The following NLGN1 variants were observed in gnomAD, a reference collection of about 807,000 sequenced individuals.
NLGN1 encodes the protein neuroligin 1, also known as neuroligin-1.
In NLGN1, 12 loss-of-function variants were observed where a neutral mutation model predicts 65.5. The observed-to-expected ratio is 0.18, with a 90% CI of 0.12 to 0.30. The LOEUF (loss-of-function observed/expected upper bound fraction) is 0.30, where lower values mean the gene tolerates loss of function less well. Among genes scored for constraint, NLGN1 ranks in the 10% least tolerant of loss-of-function variants. The pLI, the probability that NLGN1 is intolerant of heterozygous loss-of-function variation, is 1.00. For synonymous variants in NLGN1, 350 were observed against 359.5 expected (o/e 0.97, Z 0.30); for missense variants, 750 against 1,007.1 (o/e 0.74, Z 3.46).
chr3:173,814,226 G>C (rs1280504450), intron 4 of NLGN1, among the ~76,000 whole-genome samples: 1 of 152,222 alleles, frequency 6.6e-6, no homozygotes, highest in Non-Finnish European at 1.5e-5. Flanking sequence ...CTAACCAAAG[G>C]CAATCTGGGT....
At chr3:173,611,151 A>G (rs1325783892) in intron 3 of NLGN1, among the ~76,000 whole-genome samples, 5 of 151,984 alleles carry the variant, frequency 3.3e-5, no homozygotes, top group African/African-American at 4.8e-5. Context: ...GATTCTTTCA[A>G]TTGTTTGATG....
At chr3:173,753,565 G>C (rs941019474) in intron 3 of NLGN1, among the ~76,000 whole-genome samples, 2 of 152,070 alleles carry the variant, frequency 1.3e-5, no homozygotes, top group African/African-American at 4.8e-5. Context: ...GTCTCGCCTG[G>C]ATGAAAGCAA....
intron 2 of NLGN1, among the ~76,000 whole-genome samples, chr3:173,446,756 C>T (rs1720430017): frequency 6.6e-6 from 1 of 152,194 alleles, no homozygotes; most frequent in Non-Finnish European, 1.5e-5. Context: ...GATTGCCATT[C>T]TAACTGGTGT....
intron 4 of NLGN1, among the ~76,000 whole-genome samples, chr3:173,839,664 A>G (rs1948163): frequency 0.83 from 126,501 of 151,592 alleles, 53,516 homozygotes; most frequent in African/African-American, 0.88. Context: ...CTTGTGATCC[A>G]CCTGCCTCTG....
intron 2 of NLGN1, among the ~76,000 whole-genome samples, chr3:173,541,868 A>G (rs11713253): frequency 0.36 from 55,120 of 151,740 alleles, 11,334 homozygotes; most frequent in East Asian, 0.8. Flanking sequence ...GCTTGATGTT[A>G]ATTTTTACAA....
chr3:173,445,444 A>C (rs1720088102), intron 2 of NLGN1, among the ~76,000 whole-genome samples: 1 of 152,212 alleles, frequency 6.6e-6, no homozygotes, highest in Non-Finnish European at 1.5e-5. Context: ...AAAACTCTTT[A>C]TACATGTTTC....
Position 173,880,260 on chromosome 3 carries a change from T to A in NLGN1, c.646+72428T>A, listed in dbSNP as rs1329514052. ...GTACAAGATAGAATGTAAAAAGAAA[T>A]AAAATCAAATGTAGACCTTTTCTAG... On this transcript the variant is annotated intron_variant, in intron 4 of 6. Transcript: ENST00000457714. 2.0e-5 allele frequency among the ~76,000 whole-genome samples: 3 copies of A among 152,206 alleles called. No individual in the cohort carries two copies. In the East Asian group the frequency reaches 5.8e-4, roughly 29 times the overall value.
intron 4 of NLGN1, among the ~76,000 whole-genome samples, chr3:173,929,849 C>A (rs1330968797): frequency 2.6e-5 from 4 of 151,966 alleles, no homozygotes; most frequent in African/African-American, 7.3e-5. Flanking sequence ...GGATTATGGG[C>A]ATGTGCCACC....
chr3:174,096,290 G>A (rs897486978), intron 4 of NLGN1, among the ~76,000 whole-genome samples: 2 of 151,090 alleles, frequency 1.3e-5, no homozygotes, highest in Non-Finnish European at 2.9e-5. Flanking sequence ...AGAGGAACTA[G>A]GAACAGAAAC....
At chr3:173,884,772 GATAAAC>G (rs1344071027) in intron 4 of NLGN1, among the ~76,000 whole-genome samples, 4 of 152,192 alleles carry the variant, frequency 2.6e-5, no homozygotes, top group African/African-American at 9.6e-5. Context: ...CTGGATAATT[GATAAAC>G]AATTGAAATT....
chr3:173,561,208 T>G (rs1009145198), intron 2 of NLGN1, among the ~76,000 whole-genome samples: 1 of 152,230 alleles, frequency 6.6e-6, no homozygotes, highest in Non-Finnish European at 1.5e-5. Context: ...GAATGACTGC[T>G]CTCTAGAAAG....
intron 2 of NLGN1, among the ~76,000 whole-genome samples, chr3:173,442,937 TATA>T (rs1312841011): frequency 1.3e-5 from 2 of 152,136 alleles, no homozygotes; most frequent in African/African-American, 4.8e-5. Flanking sequence ...ACTAAGTAAA[TATA>T]ATATAATACT....
intron 3 of NLGN1, among the ~76,000 whole-genome samples, chr3:173,645,286 C>A (rs1758067234): frequency 6.6e-6 from 1 of 152,232 alleles, no homozygotes; most frequent in Non-Finnish European, 1.5e-5. Flanking sequence ...CTCCTCTCCC[C>A]TCCCTCACAG....
At chr3:173,827,463 G>T (rs1285861379) in intron 4 of NLGN1, among the ~76,000 whole-genome samples, 2 of 151,856 alleles carry the variant, frequency 1.3e-5, no homozygotes, top group African/African-American at 2.4e-5. Context: ...GAAGTGTGGA[G>T]GGTCAGTACA....
chr3:173,568,905 C>G (rs2149323491), intron 2 of NLGN1, among the ~76,000 whole-genome samples: 1 of 152,198 alleles, frequency 6.6e-6, no homozygotes, highest in East Asian at 1.9e-4. Flanking sequence ...GTCTCGAACT[C>G]CTGACCTTGT....
chr3:174,097,361 C>G (rs1181122840), intron 4 of NLGN1, among the ~76,000 whole-genome samples: 1 of 152,098 alleles, frequency 6.6e-6, no homozygotes, highest in Non-Finnish European at 1.5e-5. Flanking sequence ...TGTCTACACA[C>G]CAAACAGCAA....
chr3:173,510,031 A>C (rs752997672), intron 2 of NLGN1, among the ~76,000 whole-genome samples: 1 of 152,202 alleles, frequency 6.6e-6, no homozygotes, highest in Non-Finnish European at 1.5e-5. Flanking sequence ...TTTGATAGGA[A>C]TCACATTTGG....
At chr3:173,942,615 C>T (rs1746361314) in intron 4 of NLGN1, among the ~76,000 whole-genome samples, 1 of 152,012 alleles carries the variant, frequency 6.6e-6, no homozygotes. Flanking sequence ...GTTTTTATTC[C>T]CTAAGACCAA....
At chr3:173,739,216 C>G (rs973965755) in intron 3 of NLGN1, among the ~76,000 whole-genome samples, 1 of 151,898 alleles carries the variant, frequency 6.6e-6, no homozygotes, top group African/African-American at 2.4e-5. Flanking sequence ...ATATTCCGCT[C>G]GAATAAAGGA....
Sources: allele counts gnomAD v4.1 joint callset (sites outside exome capture counted in the v4.1 genomes callset), GRCh38; gene constraint gnomAD v4.1.1; transcripts MANE v1.5; gene names NCBI Gene and HGNC (gene_info 2026-07-23, HGNC 2026-07-21).